Variants in TBCCD1 observed in about 807,000 individuals in gnomAD.
TBCCD1 encodes TBCC domain-containing protein 1.
TBCCD1 carries 26 observed loss-of-function variants against 53.4 expected under a neutral mutation model. The observed-to-expected ratio is 0.49, with a 90% CI of 0.36 to 0.68. TBCCD1 has a LOEUF of 0.68. Among genes scored for constraint, TBCCD1 ranks in the 30% least tolerant of loss-of-function variants. The pLI is 0.00. For missense variants in TBCCD1, 558 were observed against 669.5 expected, an observed-to-expected ratio of 0.83 and a Z score of 1.84; for synonymous variants, 245 against 241.7, an observed-to-expected ratio of 1.01 and a Z score of -0.13.
Position 186,556,556 on chromosome 3 carries a change from G to A in TBCCD1, c.712C>T (p.Leu238=), listed in dbSNP as rs1235439257. 1.9e-6 allele frequency: 3 copies of A among 1,613,978 alleles called. No homozygotes were observed. Among genetic ancestry groups the A allele is most frequent in the African/African-American group, 1.3e-5 (1 of 74,916 alleles). Residue 238 remains leucine, a synonymous_variant, in exon 4 of 8, where the codon CTG becomes TTG. Transcript: ENST00000338733. ...PLHELALWQP[L]HADSGFSKIS... ...TTTGAGAAGCCACTATCTGCATGCAGTGGTTGCCACAGTGCAAGTTCATGA... is the reference window on the plus strand; with the variant it reads ...TTTGAGAAGCCACTATCTGCATGCAATGGTTGCCACAGTGCAAGTTCATGA...
chr3:186,567,499 G>C (rs1429662878), upstream of TBCCD1: 2 of 152,230 alleles, frequency 1.3e-5, no homozygotes, highest in Non-Finnish European at 2.9e-5. Flanking sequence ...GTGGCACCTG[G>C]AGCCAGACCC....
At chr3:186,563,925 A>AT (rs1560229732) in intron 2 of TBCCD1, 69 bp downstream of exon 2, 1 of 1,477,894 alleles carries the variant, frequency 6.8e-7, no homozygotes, top group East Asian at 2.3e-5. Flanking sequence ...AAGCAAAAAC[A>AT]TTTTTTAATT....
At chr3:186,569,286 G>C (rs1223497633), upstream of TBCCD1, among the ~76,000 whole-genome samples, 1 of 144,048 alleles carries the variant, frequency 6.9e-6, no homozygotes, top group Admixed American at 6.9e-5. Context: ...AAACAGGGGA[G>C]TGACATGATT....
At chr3:186,556,834 T>C in intron 3 of TBCCD1, 59 bp from the exon 4 acceptor site, 1 of 1,528,764 alleles carries the variant, frequency 6.5e-7, no homozygotes, top group Non-Finnish European at 8.8e-7. Flanking sequence ...ATCTAAAATT[T>C]CTATATTTTA....
chr3:186,556,575 T>C lies in TBCCD1; in HGVS notation c.693A>G (p.Glu231=), dbSNP rs771150124. The change falls in exon 4 of 8, where the codon GAA becomes GAG. Residue 231 remains glutamate (E), a synonymous_variant. Coordinates refer to ENST00000338733, the MANE Select transcript of TBCCD1 (RefSeq NM_018138.5). The part of the protein sequence containing the change: ...SRARKIYPLH[E]LALWQPLHAD... ...CATGCAGTGGTTGCCACAGTGCAAG[T>C]TCATGAAGTGGATAGATCTTCCTGG... is the stretch of plus-strand genomic sequence containing the variant. 1.9e-6 allele frequency: 3 copies of C among 1,614,046 alleles called. No individual in the cohort carries two copies. The highest frequency in any genetic ancestry group is 2.5e-6 in the Non-Finnish European group (3 of 1,180,032).
At position 186,551,172 on chromosome 3, in the gene TBCCD1, C is replaced by T. The variant is rs570132567; in HGVS notation, c.1652G>A (p.Gly551Asp). 2 of 1,611,822 alleles carry T rather than the reference C, an allele frequency of 1.2e-6. No homozygotes were observed. Among genetic ancestry groups the T allele is most frequent in the South Asian group, 2.2e-5 (2 of 90,906 alleles). ...TCCTTATCCAGCTGCTTGTTTGGAG[C>T]CTGCTGCAGGGGGTACAAGGCTGTC... is the stretch of plus-strand genomic sequence containing the variant. ...QLDSLVPPAA[G>D]SKQAAG The change falls in exon 7 of 8, where the codon GGC (glycine) becomes GAC (aspartate). Residue 551 changes from glycine (G) to aspartate (D), a missense_variant. Gly to Asp is a moderately conservative substitution (Grantham distance 94, BLOSUM62 -1). Coordinates refer to ENST00000338733, the MANE Select transcript of TBCCD1 (RefSeq NM_018138.5).
At chr3:186,569,708 G>A (rs1281302641), upstream of TBCCD1, among the ~76,000 whole-genome samples, 1 of 151,980 alleles carries the variant, frequency 6.6e-6, no homozygotes, top group Non-Finnish European at 1.5e-5. Flanking sequence ...TTAAGAGTGG[G>A]GGCAAGGAGG....
chr3:186,550,104 G>A (rs1714326329), intron 7 of TBCCD1, among the ~76,000 whole-genome samples: 1 of 151,614 alleles, frequency 6.6e-6, no homozygotes, highest in South Asian at 2.1e-4. Context: ...GTGCGTGCCT[G>A]TAATCTCAGC....
At chr3:186,568,889 C>T (rs976570760), upstream of TBCCD1, among the ~76,000 whole-genome samples, 2 of 143,906 alleles carry the variant, frequency 1.4e-5, no homozygotes. Context: ...GGCGACAGAG[C>T]GAGACTCTGT....
chr3:186,563,906 A>C, intron 2 of TBCCD1, 88 bp downstream of exon 2: 1 of 1,433,876 alleles, frequency 7.0e-7, no homozygotes. Context: ...TCTATCTAAA[A>C]ATTGTAATAA....
At chr3:186,562,240 G>T in intron 2 of TBCCD1, among the ~76,000 whole-genome samples, 1 of 152,170 alleles carries the variant, frequency 6.6e-6, no homozygotes, top group East Asian at 1.9e-4. Context: ...AACCACTCAG[G>T]AGGCTGAGGT....
intron 6 of TBCCD1, among the ~76,000 whole-genome samples, chr3:186,551,653 T>C (rs1315306069): frequency 6.6e-6 from 1 of 152,152 alleles, no homozygotes; most frequent in Non-Finnish European, 1.5e-5. Flanking sequence ...CTGAAGACTA[T>C]ATATTCTAGT....
At position 186,564,344 on chromosome 3, in the gene TBCCD1, C is replaced by T; in HGVS notation, c.-15G>A. ...GACTGATCCATATTATCTCTAAGGA[C>T]ATCAGGGTGAAAAGGCTTCTTTGCA... is the stretch of plus-strand genomic sequence containing the variant. On this transcript the variant is annotated 5_prime_UTR_variant, in exon 2 of 8. It removes an upstream start codon present in the reference 5' UTR. Coordinates refer to ENST00000338733, the MANE Select transcript of TBCCD1 (RefSeq NM_018138.5). The T allele has an allele frequency of 6.4e-7, 1 of 1,573,752 alleles. No homozygotes were observed. Among genetic ancestry groups the T allele is most frequent in the Non-Finnish European group, 8.6e-7 (1 of 1,158,654 alleles).
chr3:186,558,844 G>A (rs907939522), intron 2 of TBCCD1, among the ~76,000 whole-genome samples: 2 of 152,080 alleles, frequency 1.3e-5, no homozygotes. Context: ...TGGTTCAAGC[G>A]AGATTCTCCT....
At chr3:186,551,875 G>GCTA (rs1469970345) in intron 6 of TBCCD1, among the ~76,000 whole-genome samples, 2 of 152,140 alleles carry the variant, frequency 1.3e-5, no homozygotes, top group Non-Finnish European at 2.9e-5. Context: ...TACTCGGGAG[G>GCTA]CTGAGGCAGG....
At chr3:186,563,135 C>T (rs1003583259) in intron 2 of TBCCD1, among the ~76,000 whole-genome samples, 3 of 152,168 alleles carry the variant, frequency 2.0e-5, no homozygotes, top group Non-Finnish European at 2.9e-5. Flanking sequence ...CCCTGGTCAT[C>T]GCTTGGATGA....
chr3:186,566,043 T>C (rs989186095), intron 1 of TBCCD1, among the ~76,000 whole-genome samples: 1 of 144,782 alleles, frequency 6.9e-6, no homozygotes, highest in South Asian at 2.1e-4. Flanking sequence ...GCTTCTCTCT[T>C]TTTTTTTTTT....
intron 3 of TBCCD1, 58 bp from the exon 4 acceptor site, chr3:186,556,833 T>A: frequency 6.6e-7 from 1 of 1,526,338 alleles, no homozygotes; most frequent in Non-Finnish European, 8.8e-7. Context: ...GATCTAAAAT[T>A]TCTATATTTT....
At chr3:186,567,347 C>T (rs1714869793), upstream of TBCCD1, 1 of 152,414 alleles carries the variant, frequency 6.6e-6, no homozygotes, top group Admixed American at 6.5e-5. Context: ...CGCCCCTCAC[C>T]CTCCTCCGCG....
Sources: allele counts gnomAD v4.1 joint callset (sites outside exome capture counted in the v4.1 genomes callset), GRCh38; gene constraint gnomAD v4.1.1; transcripts MANE v1.5; gene names NCBI Gene and HGNC (gene_info 2026-07-23, HGNC 2026-07-21).